The following SRGAP1 variants were observed in gnomAD, a reference collection of about 807,000 sequenced individuals.
SRGAP1 encodes the protein SLIT-ROBO Rho GTPase-activating protein 1.
Under a neutral mutation model 121.9 loss-of-function variants are expected in SRGAP1, and 43 were observed. That is an observed-to-expected ratio of 0.35 (90% CI 0.28 to 0.46). The LOEUF (loss-of-function observed/expected upper bound fraction) is 0.46, where lower values mean the gene tolerates loss of function less well. SRGAP1 is among the 20% of genes least tolerant of loss of function. SRGAP1 has a pLI of 1.00. For synonymous variants in SRGAP1, 447 were observed against 485.4 expected, an observed-to-expected ratio of 0.92 and a Z score of 1.04; for missense variants, 1,102 against 1,350.9, an observed-to-expected ratio of 0.82 and a Z score of 2.89.
At position 64,012,551 on chromosome 12, in the gene SRGAP1, C is replaced by CTTTTTTTT. The variant is rs386376760; in HGVS notation, c.427-4381_427-4374dup. On this transcript the variant is annotated intron_variant, in intron 3 of 21. Transcript: ENST00000355086. Reference sequence around the variant, plus strand: ...GCTTTCAAATATTTTAAGTTATTATCTTTTTTTTTTTTTTTTTTTTTTTTT... The same window carrying CTTTTTTTT: ...GCTTTCAAATATTTTAAGTTATTATCTTTTTTTTTTTTTTTTTTTTTTTTTTTTTTTTT... 9.4e-4 allele frequency among the ~76,000 whole-genome samples: 73 copies of CTTTTTTTT among 77,678 alleles called. 3 individuals carry two copies. Among genetic ancestry groups the CTTTTTTTT allele is most frequent in the African/African-American group, 2.0e-3 (35 of 17,384 alleles). 51.0% of individuals were successfully genotyped at this position (77,678 alleles called of 152,430 possible). A position where few individuals can be genotyped will look rare whatever the true frequency, so the allele number is the denominator to read the frequency against.
intron 1 of SRGAP1, among the ~76,000 whole-genome samples, chr12:63,875,276 TG>T (rs1341767453): frequency 6.6e-6 from 1 of 151,924 alleles, no homozygotes; most frequent in Non-Finnish European, 1.5e-5. Flanking sequence ...AGTTATTGTT[TG>T]GTGTGTGTGT....
At chr12:63,950,359 C>T (rs1258031442) in intron 1 of SRGAP1, among the ~76,000 whole-genome samples, 1 of 152,208 alleles carries the variant, frequency 6.6e-6, no homozygotes, top group Non-Finnish European at 1.5e-5. Flanking sequence ...TAAGTCCCTG[C>T]ACCAGGAGTG....
At chr12:63,989,264 A>T (rs1343767439) in intron 2 of SRGAP1, among the ~76,000 whole-genome samples, 1 of 152,256 alleles carries the variant, frequency 6.6e-6, no homozygotes, top group Non-Finnish European at 1.5e-5. Flanking sequence ...AGGAGCAGTT[A>T]TGAGTCTGAA....
chr12:64,093,544 T>C (rs1463911193), intron 12 of SRGAP1, among the ~76,000 whole-genome samples: 1 of 152,182 alleles, frequency 6.6e-6, no homozygotes, highest in Non-Finnish European at 1.5e-5. Context: ...GCTTTCAGAT[T>C]AGTGTTCCAT....
chr12:64,117,611 C>G (rs899247632), intron 18 of SRGAP1, among the ~76,000 whole-genome samples: 1 of 152,106 alleles, frequency 6.6e-6, no homozygotes, highest in African/African-American at 2.4e-5. Flanking sequence ...CTCCTATATT[C>G]TCTTATTTTA....
chr12:64,149,183 G>A lies in SRGAP1; in HGVS notation c.*6511G>A, dbSNP rs1323583246. The A allele has an allele frequency of 6.6e-6, 1 of 152,172 alleles. No individual in the cohort carries two copies. The highest frequency in any genetic ancestry group is 1.5e-5 in the Non-Finnish European group (1 of 68,028). 9.4% of individuals were successfully genotyped at this position (152,172 alleles called of 1,614,324 possible). On this transcript the variant is annotated 3_prime_UTR_variant, in exon 22 of 22. Transcript: ENST00000355086. ...TGAATGGGGGGTGAGGGACCCACCTGTCAAAGGAATTGTTTTCCCAAACTA... is the reference window on the plus strand; with the variant it reads ...TGAATGGGGGGTGAGGGACCCACCTATCAAAGGAATTGTTTTCCCAAACTA...
intron 1 of SRGAP1, among the ~76,000 whole-genome samples, chr12:63,865,455 C>T (rs924439577): frequency 4.6e-5 from 7 of 151,766 alleles, no homozygotes; most frequent in East Asian, 1.9e-4. Flanking sequence ...GGCGATAGAG[C>T]GAGATTCAGT....
chr12:63,903,244 C>A (rs1441377248), intron 1 of SRGAP1, among the ~76,000 whole-genome samples: 1 of 152,014 alleles, frequency 6.6e-6, no homozygotes, highest in African/African-American at 2.4e-5. Context: ...AATGGAGTAT[C>A]ACTCTGTCAC....
At chr12:64,087,105 A>C in intron 11 of SRGAP1, 79 bp downstream of exon 11, 2 of 1,140,492 alleles carry the variant, frequency 1.8e-6, no homozygotes, top group Non-Finnish European at 2.5e-6. Flanking sequence ...ATGCTGAAAG[A>C]ATTAACATTT....
intron 1 of SRGAP1, among the ~76,000 whole-genome samples, chr12:63,947,415 T>C (rs1175167755): frequency 6.6e-6 from 1 of 152,238 alleles, no homozygotes; most frequent in African/African-American, 2.4e-5. Context: ...TGTTTTCTTC[T>C]AAAAGTTTTG....
chr12:64,017,286 G>A (rs2034429615), intron 4 of SRGAP1, among the ~76,000 whole-genome samples: 1 of 152,128 alleles, frequency 6.6e-6, no homozygotes, highest in African/African-American at 2.4e-5. Context: ...AGAAATTGAA[G>A]TATAGATGTC....
chr12:63,850,956 G>A (rs916673659), intron 1 of SRGAP1, among the ~76,000 whole-genome samples: 4 of 151,952 alleles, frequency 2.6e-5, no homozygotes, highest in African/African-American at 9.7e-5. Flanking sequence ...AGGAGTTTGA[G>A]ACCAGCCTTG....
At chr12:63,958,302 G>A (rs1408990924) in intron 1 of SRGAP1, among the ~76,000 whole-genome samples, 1 of 152,016 alleles carries the variant, frequency 6.6e-6, no homozygotes, top group Non-Finnish European at 1.5e-5. Flanking sequence ...GCCACTCTCC[G>A]TGCAGTGTGC....
chr12:63,919,935 C>T (rs1413133654), intron 1 of SRGAP1, among the ~76,000 whole-genome samples: 1 of 152,166 alleles, frequency 6.6e-6, no homozygotes, highest in Non-Finnish European at 1.5e-5. Flanking sequence ...TTCCAGCTTT[C>T]TGCTATTTGA....
At chr12:63,960,664 G>A (rs919594195) in intron 1 of SRGAP1, among the ~76,000 whole-genome samples, 2 of 152,174 alleles carry the variant, frequency 1.3e-5, no homozygotes, top group African/African-American at 2.4e-5. Flanking sequence ...CTTTGCAGAC[G>A]TTATTAGGTG....
At chr12:64,066,002 G>A (rs538433307) in intron 8 of SRGAP1, among the ~76,000 whole-genome samples, 8 of 150,726 alleles carry the variant, frequency 5.3e-5, no homozygotes, top group Non-Finnish European at 1.0e-4. Context: ...TTGAATTCAC[G>A]TTCTCCTAAA....
chr12:64,092,019 T>G, intron 12 of SRGAP1: 1 of 1,036,302 alleles, frequency 9.6e-7, no homozygotes, highest in Non-Finnish European at 1.4e-6. Flanking sequence ...TTGTTAAGGT[T>G]TTTAAAAGAA....
rs367552771 is a variant in SRGAP1 at position 64,115,853 on chromosome 12, G to A, written c.2184G>A (p.Val728=). Residue 728 remains valine, a synonymous_variant, in exon 18 of 22, where the codon GTG becomes GTA. Coordinates refer to ENST00000355086, the MANE Select transcript of SRGAP1 (RefSeq NM_020762.4). The part of the protein sequence containing the change: ...PYSEHGTLEE[V]DQDAGTEPHT... Reference sequence around the variant, plus strand: ...GTGAGCACGGTACATTGGAGGAAGTGGACCAAGATGCTGGTACAGAGCCCC... The same window carrying A: ...GTGAGCACGGTACATTGGAGGAAGTAGACCAAGATGCTGGTACAGAGCCCC... 82 of 1,613,532 alleles carry A rather than the reference G, an allele frequency of 5.1e-5. No individual in the cohort carries two copies. Among genetic ancestry groups the A allele is most frequent in the Non-Finnish European group, 6.8e-5 (80 of 1,179,774 alleles).
In SRGAP1 at chr12:63,929,677, G is replaced by C. The variant is rs142609562; in HGVS notation, c.68-54270G>C. 4.4e-3 allele frequency among the ~76,000 whole-genome samples: 674 copies of C among 151,884 alleles called. 5 individuals carry two copies. Among genetic ancestry groups the C allele is most frequent in the African/African-American group, 0.016 (644 of 41,402 alleles). On this transcript the variant is annotated intron_variant, in intron 1 of 21. Coordinates refer to ENST00000355086, the MANE Select transcript of SRGAP1 (RefSeq NM_020762.4). ...ATAATTCTGACACTGTGTAACAGGC[G>C]AACTGTATTTGCTGCATTTGTAGTG...
Sources: gnomAD v4.1 joint callset for allele counts (sites outside exome capture counted in the v4.1 genomes callset) on GRCh38, gnomAD v4.1.1 for gene constraint, MANE v1.5 for transcripts, NCBI Gene and HGNC (gene_info 2026-07-23, HGNC 2026-07-21) for gene names.